KCNK13: variants seen among roughly 807,000 people sequenced by gnomAD.
KCNK13 encodes potassium two pore domain channel subfamily K member 13.
KCNK13 carries 12 observed loss-of-function variants against 23.4 expected under a neutral mutation model. The observed-to-expected ratio is 0.51, with a 90% CI of 0.33 to 0.83. The LOEUF (loss-of-function observed/expected upper bound fraction) is 0.83, where lower values mean the gene tolerates loss of function less well. Ranked by LOEUF, KCNK13 falls within the 40% of genes least tolerant of loss-of-function variation. KCNK13 has a pLI of 0.02. For synonymous variants in KCNK13, 231 were observed against 229.5 expected, an observed-to-expected ratio of 1.01 and a Z score of -0.06; for missense variants, 463 against 556.3, an observed-to-expected ratio of 0.83 and a Z score of 1.69.
intron 1 of KCNK13, among the ~76,000 whole-genome samples, chr14:90,073,640 A>G (rs942085203): frequency 6.6e-6 from 1 of 152,116 alleles, no homozygotes; most frequent in Non-Finnish European, 1.5e-5. Flanking sequence ...AAGGGCCAAG[A>G]GGACCCCTCA....
intron 1 of KCNK13, among the ~76,000 whole-genome samples, chr14:90,069,983 A>T (rs10146480): frequency 0.26 from 39,509 of 151,650 alleles, 6,063 homozygotes; most frequent in African/African-American, 0.42. Context: ...GGGAAAGTAT[A>T]AAAAAAAAGT....
chr14:90,111,803 G>GT (rs972341609), intron 1 of KCNK13, among the ~76,000 whole-genome samples: 2 of 152,156 alleles, frequency 1.3e-5, no homozygotes, highest in Non-Finnish European at 2.9e-5. Flanking sequence ...TCTTGTGACT[G>GT]TTTTTTACCT....
chr14:90,106,829 C>A (rs1398219640), intron 1 of KCNK13, among the ~76,000 whole-genome samples: 1 of 151,790 alleles, frequency 6.6e-6, no homozygotes, highest in East Asian at 2.0e-4. Context: ...CCAGACCAGC[C>A]TGGCCAACAT....
chr14:90,098,186 C>T (rs1889434335), intron 1 of KCNK13, among the ~76,000 whole-genome samples: 1 of 152,314 alleles, frequency 6.6e-6, no homozygotes, highest in Non-Finnish European at 1.5e-5. Flanking sequence ...CCAAGTACCA[C>T]GGGGGCCACA....
intron 1 of KCNK13, among the ~76,000 whole-genome samples, chr14:90,146,660 T>C (rs2140431030): frequency 6.6e-6 from 1 of 152,252 alleles, no homozygotes; most frequent in South Asian, 2.1e-4. Context: ...CCTTTGTGTC[T>C]TTATACTTAA....
intron 1 of KCNK13, among the ~76,000 whole-genome samples, chr14:90,116,676 T>C (rs1889680682): frequency 6.6e-6 from 1 of 152,136 alleles, no homozygotes; most frequent in South Asian, 2.1e-4. Flanking sequence ...AAGGTTCCCC[T>C]TGCCCCACAA....
intron 1 of KCNK13, among the ~76,000 whole-genome samples, chr14:90,104,829 A>T (rs1238181933): frequency 7.4e-6 from 1 of 135,268 alleles, no homozygotes; most frequent in Non-Finnish European, 1.5e-5. Flanking sequence ...TCACACTGTC[A>T]CCCAGGCTGG....
In KCNK13 at chr14:90,184,157, G is replaced by T; in HGVS notation, c.381G>T (p.Leu127=). ...TPATVGGKIF[L]IFYGLVGCSS... is the part of the protein sequence containing the mutation. ...CGACAGTAGGAGGAAAAATCTTTCT[G>T]ATCTTTTACGGCCTTGTTGGGTGTT... is the stretch of plus-strand genomic sequence containing the variant. The change falls in exon 2 of 2, where the codon CTG becomes CTT. Residue 127 remains leucine (L), a synonymous_variant. Transcript: ENST00000282146. This position sits in a 1 kb window ranked among gnomAD's most constrained non-coding sequence, Gnocchi z 5.6. 1 of 1,614,118 alleles carries T rather than the reference G, an allele frequency of 6.2e-7. No homozygotes were observed. Among genetic ancestry groups the T allele is most frequent in the African/African-American group, 1.3e-5 (1 of 75,056 alleles).
At chr14:90,112,541 G>C (rs1483140284) in intron 1 of KCNK13, among the ~76,000 whole-genome samples, 1 of 152,078 alleles carries the variant, frequency 6.6e-6, no homozygotes, top group Non-Finnish European at 1.5e-5. Flanking sequence ...AAATATAATA[G>C]TTAAAATTGC....
chr14:90,106,347 G>A (rs1596780155), intron 1 of KCNK13, among the ~76,000 whole-genome samples: 1 of 151,798 alleles, frequency 6.6e-6, no homozygotes, highest in East Asian at 2.0e-4. Context: ...GGCTGAGGCA[G>A]GTGGATCACC....
At chr14:90,140,409 G>T (rs532332437) in intron 1 of KCNK13, among the ~76,000 whole-genome samples, 2 of 152,148 alleles carry the variant, frequency 1.3e-5, no homozygotes, top group Non-Finnish European at 2.9e-5. Context: ...TTAACGTACC[G>T]TACTACAAGG....
At chr14:90,117,352 G>A (rs1242900291) in intron 1 of KCNK13, among the ~76,000 whole-genome samples, 1 of 152,142 alleles carries the variant, frequency 6.6e-6, no homozygotes, top group Non-Finnish European at 1.5e-5. Context: ...CACTTTGGGA[G>A]GCTGAGGAAG....
At chr14:90,173,595 G>A (rs575417545) in intron 1 of KCNK13, among the ~76,000 whole-genome samples, 1 of 152,258 alleles carries the variant, frequency 6.6e-6, no homozygotes, top group South Asian at 2.1e-4. Flanking sequence ...GGTTTGAAAT[G>A]GGGAGAAAGG....
chr14:90,062,632 ATC>A lies in KCNK13; in HGVS notation c.334+95_334+96del. 1 of 979,578 alleles carries A rather than the reference ATC, an allele frequency of 1.0e-6. No individual in the cohort carries two copies. The highest frequency in any genetic ancestry group is 2.0e-5 in the South Asian group (1 of 49,924). The allele number at this position is 979,578 out of a possible 1,614,324, so 60.7% of individuals were successfully genotyped here. A position where few individuals can be genotyped will look rare whatever the true frequency, so the allele number is the denominator to read the frequency against. The stretch of plus-strand genomic sequence containing the variant: ...GACCCTCTCATCCTTTCATTCATCC[ATC>A]TGGGCGCCCAGCCAGACTCCACTGA... On this transcript the variant is annotated intron_variant, in intron 1 of 1. Transcript: ENST00000282146. The surrounding 1 kb of genome is among the most constrained non-coding windows in gnomAD (Gnocchi z 4.5).
At chr14:90,098,975 G>C (rs961179333) in intron 1 of KCNK13, among the ~76,000 whole-genome samples, 2 of 152,018 alleles carry the variant, frequency 1.3e-5, no homozygotes, top group Non-Finnish European at 2.9e-5. Flanking sequence ...CTGCTTGGGA[G>C]GCTAAGGCAG....
intron 1 of KCNK13, among the ~76,000 whole-genome samples, chr14:90,132,646 G>C (rs1004551783): frequency 5.9e-5 from 9 of 152,058 alleles, no homozygotes; most frequent in Admixed American, 4.6e-4. Context: ...TTTTCATTTT[G>C]CAAGATGGAG....
chr14:90,138,376 T>A (rs548671530), intron 1 of KCNK13, among the ~76,000 whole-genome samples: 2 of 152,332 alleles, frequency 1.3e-5, no homozygotes, highest in African/African-American at 4.8e-5. Context: ...AATGGGATCA[T>A]ATTACTTACA....
At position 90,092,070 on chromosome 14, in the gene KCNK13, C is replaced by T. The variant is rs920903849; in HGVS notation, c.334+29531C>T. On this transcript the variant is annotated intron_variant, in intron 1 of 1. Transcript: ENST00000282146. ...CCGAGTAGCTGGGACTACAGGTGCC[C>T]GCCACCACACCTGGCTAATTTTTTT... Among the ~76,000 whole-genome samples the T allele has an allele frequency of 1.4e-4, 21 of 151,760 alleles. No homozygotes were observed. The South Asian group carries it at 2.1e-3, about 15-fold the overall frequency.
intron 1 of KCNK13, among the ~76,000 whole-genome samples, chr14:90,096,037 A>AC (rs1400453060): frequency 6.6e-6 from 1 of 152,162 alleles, no homozygotes; most frequent in African/African-American, 2.4e-5. Flanking sequence ...ATAGGATAAC[A>AC]CCTATAGGAA....
Sources: gnomAD v4.1 joint callset for allele counts (sites outside exome capture counted in the v4.1 genomes callset) on GRCh38, gnomAD v4.1.1 for gene constraint, Gnocchi (gnomAD v3.1) non-coding constraint, MANE v1.5 for transcripts, NCBI Gene and HGNC (gene_info 2026-07-23, HGNC 2026-07-21) for gene names.